Variants in FAT3 observed in about 807,000 individuals in gnomAD.
FAT3 encodes the protein FAT atypical cadherin 3.
A neutral mutation model predicts 310.2 loss-of-function variants in FAT3; 95 were observed. That is an observed-to-expected ratio of 0.31 (90% confidence interval 0.26 to 0.36). The LOEUF is 0.36. FAT3 is among the 10% of genes least tolerant of loss of function. The probability of loss-of-function intolerance (pLI) is 1.00; values close to 1 mark genes in which losing one functional copy is unlikely to be tolerated. For missense variants in FAT3, 5,408 were observed against 5,715.6 expected (o/e 0.95, Z 1.74); for synonymous variants, 2,314 against 2,192.9 (o/e 1.06, Z -1.54).
intron 9 of FAT3, among the ~76,000 whole-genome samples, chr11:92,795,722 C>T (rs184148587): frequency 7.6e-4 from 116 of 152,116 alleles, no homozygotes; most frequent in South Asian, 4.6e-3. Context: ...ACCAGCCTGA[C>T]CAACGTGGCA....
intron 1 of FAT3, chr11:92,314,316 T>C: frequency 1.0e-6 from 1 of 978,326 alleles, no homozygotes; most frequent in African/African-American, 1.7e-5. Flanking sequence ...TCTTCAGGTA[T>C]GCAACTTAAA....
At position 92,225,129 on chromosome 11, in the gene FAT3, C is replaced by A. The variant is rs996872054; in HGVS notation, c.-63C>A. On this transcript the variant is annotated 5_prime_UTR_variant, in exon 1 of 28. Coordinates refer to ENST00000525166, the MANE Select transcript of FAT3 (RefSeq NM_001367949.2). ...GCCGAGCACCGGGTGAAGAAGACCA[C>A]GGGGGAGGCGCCTCGTAGAGCCGTG... Among the ~76,000 whole-genome samples, 1 of 152,114 alleles carries A rather than the reference C, an allele frequency of 6.6e-6. No individual in the cohort carries two copies. Among genetic ancestry groups the A allele is most frequent in the African/African-American group, 2.4e-5 (1 of 41,446 alleles).
intron 13 of FAT3, among the ~76,000 whole-genome samples, chr11:92,812,673 G>A (rs1478365588): frequency 6.6e-6 from 1 of 151,946 alleles, no homozygotes; most frequent in African/African-American, 2.4e-5. Context: ...TAGAAATTTA[G>A]ATTTCCAGCA....
chr11:92,291,116 C>CACACACACACAT (rs796468398), intron 1 of FAT3, among the ~76,000 whole-genome samples: 1 of 150,802 alleles, frequency 6.6e-6, no homozygotes, highest in Non-Finnish European at 1.5e-5. Flanking sequence ...CACACACACA[C>CACACACACACAT]ATGCACGCGC....
In FAT3 at chr11:92,462,519, C is replaced by G. The variant is rs185236394; in HGVS notation, c.3293-62115C>G. 2.3e-3 allele frequency among the ~76,000 whole-genome samples: 348 copies of G among 152,144 alleles called. 1 individual carries two copies. The highest frequency in any genetic ancestry group is 7.7e-3 in the South Asian group (37 of 4,802). ...AAAGTTTTAAGGAGAATCCAGTATC[C>G]TGCTGTTTCAAGAATCACAAAGGAA... is the stretch of plus-strand genomic sequence containing the variant. On this transcript the variant is annotated intron_variant, in intron 2 of 27. Transcript: ENST00000525166.
chr11:92,746,625 C>G (rs1461075426), intron 4 of FAT3, among the ~76,000 whole-genome samples: 1 of 152,110 alleles, frequency 6.6e-6, no homozygotes, highest in Non-Finnish European at 1.5e-5. Context: ...ACTCAAAAGT[C>G]CACAGTCCAA....
chr11:92,711,121 T>G (rs531550662), intron 4 of FAT3, among the ~76,000 whole-genome samples: 1 of 152,330 alleles, frequency 6.6e-6, no homozygotes, highest in African/African-American at 2.4e-5. Flanking sequence ...GATTGTGTTT[T>G]AAATTTTGGT....
At chr11:92,718,458 C>T (rs533435264) in intron 4 of FAT3, among the ~76,000 whole-genome samples, 3 of 152,104 alleles carry the variant, frequency 2.0e-5, no homozygotes, top group Non-Finnish European at 4.4e-5. Flanking sequence ...GAGGAAGTAC[C>T]TGGGGTTTCT....
intron 4 of FAT3, among the ~76,000 whole-genome samples, chr11:92,708,769 A>G (rs1169061874): frequency 6.6e-6 from 1 of 152,258 alleles, no homozygotes; most frequent in Non-Finnish European, 1.5e-5. Context: ...GCACTCAAAA[A>G]TATATTAATT....
chr11:92,706,060 G>A (rs1032582165), intron 4 of FAT3, among the ~76,000 whole-genome samples: 2 of 150,014 alleles, frequency 1.3e-5, no homozygotes, highest in African/African-American at 4.9e-5. Flanking sequence ...GGAGATGAGG[G>A]TGGTAGTGAC....
chr11:92,328,701 T>C (rs6483177), intron 1 of FAT3, among the ~76,000 whole-genome samples: 152,344 of 152,352 alleles, frequency 1, 76,168 homozygotes, highest in Middle Eastern at 1. Flanking sequence ...AGAAGTTGAC[T>C]GCTAAGTTAG....
In FAT3 at chr11:92,831,756, CG is replaced by C; in HGVS notation, c.9619del (p.Ala3207ProfsTer37). Reference protein sequence around the residue: ...EQQSSYNISVRATDQSPGQSL... With the variant: ...EQQSSYNISVXATDQSPGQSL... ...GCAGTCTTCGTACAACATCAGCGTG[CG>C]GGCCACTGACCAGAGTCCTGGACAG... is the stretch of plus-strand genomic sequence containing the variant. On this transcript the variant is annotated frameshift_variant, in exon 14 of 28. Coordinates refer to ENST00000525166, the MANE Select transcript of FAT3 (RefSeq NM_001367949.2). LOFTEE classifies it high-confidence loss of function. The C allele has an allele frequency of 6.2e-7, 1 of 1,613,360 alleles. No individual in the cohort carries two copies.
At chr11:92,315,504 TATATATATAGAGAGAGAGAG>T (rs1486157231) in intron 1 of FAT3, among the ~76,000 whole-genome samples, 1 of 90,986 alleles carries the variant, frequency 1.1e-5, no homozygotes, top group African/African-American at 4.3e-5. Context: ...TATATATATA[TATATATATAGAGAGAGAGAG>T]AGAGAGAGAG....
At chr11:92,626,167 T>C (rs1299700434) in intron 3 of FAT3, among the ~76,000 whole-genome samples, 1 of 152,148 alleles carries the variant, frequency 6.6e-6, no homozygotes, top group Non-Finnish European at 1.5e-5. Flanking sequence ...CCTGAGTGAA[T>C]TTATCTAAGG....
chr11:92,686,407 A>G (rs973149429), intron 3 of FAT3, among the ~76,000 whole-genome samples: 4 of 152,186 alleles, frequency 2.6e-5, no homozygotes, highest in African/African-American at 7.2e-5. Flanking sequence ...TGCTCTGCAA[A>G]TGGTTTATCT....
At chr11:92,745,636 C>T (rs1306057676) in intron 4 of FAT3, among the ~76,000 whole-genome samples, 3 of 148,668 alleles carry the variant, frequency 2.0e-5, no homozygotes, top group Non-Finnish European at 4.4e-5. Flanking sequence ...TACTTTATTT[C>T]CTAAAGTGCA....
chr11:92,838,268 G>A (rs1193244128), intron 17 of FAT3, among the ~76,000 whole-genome samples: 1 of 152,150 alleles, frequency 6.6e-6, no homozygotes, highest in East Asian at 1.9e-4. Flanking sequence ...AGATTGATAC[G>A]CATTGTCTCA....
intron 19 of FAT3, among the ~76,000 whole-genome samples, chr11:92,849,164 T>C (rs1342409480): frequency 6.6e-6 from 1 of 152,204 alleles, no homozygotes; most frequent in African/African-American, 2.4e-5. Context: ...ATCACAGAGC[T>C]ACAGAGCTAG....
At chr11:92,478,345 C>T (rs1432012909) in intron 2 of FAT3, among the ~76,000 whole-genome samples, 4 of 152,132 alleles carry the variant, frequency 2.6e-5, no homozygotes, top group Non-Finnish European at 5.9e-5. Context: ...TGTAAAACTT[C>T]CTCCTGGACT....
Sources: allele counts gnomAD v4.1 joint callset (sites outside exome capture counted in the v4.1 genomes callset), GRCh38; gene constraint gnomAD v4.1.1; transcripts MANE v1.5; gene names NCBI Gene and HGNC (gene_info 2026-07-23, HGNC 2026-07-21).